The following PSME4 variants were observed in gnomAD, a reference collection of about 807,000 sequenced individuals.
The protein encoded by PSME4 is proteasome activator complex subunit 4.
PSME4 carries 89 observed loss-of-function variants against 253.9 expected under a neutral mutation model. That is an observed-to-expected ratio of 0.35 (90% CI 0.30 to 0.42). The LOEUF (loss-of-function observed/expected upper bound fraction) is 0.42, where lower values mean the gene tolerates loss of function less well. Ranked by LOEUF, PSME4 falls within the 10% of genes least tolerant of loss-of-function variation. The pLI, the probability that PSME4 is intolerant of heterozygous loss-of-function variation, is 1.00. For synonymous variants in PSME4, 851 were observed against 759.2 expected (o/e 1.12, Z -1.99); for missense variants, 2,014 against 2,195.2 (o/e 0.92, Z 1.65).
chr2:53,917,868 C>T (rs1404854733), intron 20 of PSME4, among the ~76,000 whole-genome samples: 2 of 152,174 alleles, frequency 1.3e-5, no homozygotes, highest in East Asian at 1.9e-4. Flanking sequence ...GGTACAACTG[C>T]GCTTATATCA....
chr2:53,936,765 C>A lies in PSME4; in HGVS notation c.758G>T (p.Gly253Val). ...VSVQNLPQWEGQLVNLFARLA... is the reference protein window; with the variant it reads ...VSVQNLPQWEVQLVNLFARLA... ...AGAAAGGGAAAAAGGGATACTTACC[C>A]CCTCCCATTGTGGGAGATTTTGCAC... Residue 253 changes from glycine to valine, a missense_variant and splice_region_variant, in exon 6 of 47, where the codon GGG (glycine) becomes GTG (valine). Gly to Val is a moderately radical substitution (Grantham distance 109, BLOSUM62 -3). Around this residue, in one of 4 missense-constraint regions of PSME4, gnomAD observed 615 missense variants for 594.4 expected, o/e 1.03. Transcript: ENST00000404125. The A allele has an allele frequency of 6.3e-7, 1 of 1,577,268 alleles. No individual in the cohort carries two copies. Among genetic ancestry groups the A allele is most frequent in the Non-Finnish European group, 8.6e-7 (1 of 1,161,440 alleles).
At chr2:53,912,696 C>A (rs1337817077) in intron 20 of PSME4, among the ~76,000 whole-genome samples, 1 of 152,080 alleles carries the variant, frequency 6.6e-6, no homozygotes, top group African/African-American at 2.4e-5. Flanking sequence ...AAATCCCTGG[C>A]CCCAAGCAAT....
chr2:53,884,999 A>G (rs1679570481), intron 41 of PSME4, among the ~76,000 whole-genome samples: 1 of 152,226 alleles, frequency 6.6e-6, no homozygotes, highest in South Asian at 2.1e-4. Flanking sequence ...TTAGATAATA[A>G]TAACTGTACT....
intron 1 of PSME4, among the ~76,000 whole-genome samples, chr2:53,961,812 T>A: frequency 6.6e-6 from 1 of 152,210 alleles, no homozygotes; most frequent in Middle Eastern, 3.2e-3. Flanking sequence ...TCGCCAGCAG[T>A]TTTGCCAGGA....
In PSME4 at chr2:53,932,712, T is replaced by C; in HGVS notation, c.1006A>G (p.Ser336Gly). 1 of 1,614,080 alleles carries C rather than the reference T, an allele frequency of 6.2e-7. No individual in the cohort carries two copies. The highest frequency in any genetic ancestry group is 1.1e-5 in the South Asian group (1 of 91,086). ...VQKHLAGLFN[S>G]ITSFYHPSNN... Reference sequence around the variant, plus strand: ...GAAGGATGGTAAAAAGATGTGATGCTGTTAAACAAACCAGCTAAGTGTTTT... The same window carrying C: ...GAAGGATGGTAAAAAGATGTGATGCCGTTAAACAAACCAGCTAAGTGTTTT... The change falls in exon 9 of 47, where the codon AGC (serine) becomes GGC (glycine). Residue 336 changes from serine (S) to glycine (G), a missense_variant. Physicochemically the swap from Ser to Gly is moderately conservative, Grantham distance 56. Around this residue, in one of 4 missense-constraint regions of PSME4, gnomAD observed 615 missense variants for 594.4 expected, o/e 1.03. Coordinates refer to ENST00000404125, the MANE Select transcript of PSME4 (RefSeq NM_014614.3).
intron 1 of PSME4, among the ~76,000 whole-genome samples, chr2:53,953,296 T>C (rs961964135): frequency 2.0e-5 from 3 of 151,880 alleles, no homozygotes. Flanking sequence ...AGCCCAGAAA[T>C]ACATATATTT....
intron 6 of PSME4, 55 bp downstream of exon 6, chr2:53,936,709 G>C: frequency 7.9e-7 from 1 of 1,257,892 alleles, no homozygotes; most frequent in Admixed American, 2.7e-5. Flanking sequence ...AGTATGGGGG[G>C]GAAAAAAGAA....
At chr2:53,936,676 A>G (rs2104464318) in intron 6 of PSME4, 88 bp downstream of exon 6, 1 of 904,904 alleles carries the variant, frequency 1.1e-6, no homozygotes, top group East Asian at 2.8e-5. Context: ...ATGATCTATT[A>G]ATATTTATCT....
chr2:53,893,542 T>C, intron 35 of PSME4, 132 bp downstream of exon 35: 3 of 1,504,686 alleles, frequency 2.0e-6, no homozygotes, highest in Non-Finnish European at 2.7e-6. Flanking sequence ...TCTGTACATG[T>C]TCAGTGTAAA....
rs373247402 is a variant in PSME4, at chr2:53,954,130, T to C, written c.243-4847A>G. On this transcript the variant is annotated intron_variant, in intron 1 of 46. Transcript: ENST00000404125. ...AGATCACGAGGTCAGGAGTTCGAGA[T>C]CAGCCTGACCAACACAGTGAAACCC... is the stretch of plus-strand genomic sequence containing the variant. 1.1e-4 allele frequency among the ~76,000 whole-genome samples: 17 copies of C among 151,190 alleles called. No individual in the cohort carries two copies. In the East Asian group the frequency reaches 3.4e-3, roughly 30 times the overall value.
intron 3 of PSME4, among the ~76,000 whole-genome samples, chr2:53,941,665 A>G (rs1292591374): frequency 6.6e-6 from 1 of 152,118 alleles, no homozygotes; most frequent in African/African-American, 2.4e-5. Context: ...ATTAACAGCT[A>G]AGGTTTAAAG....
chr2:53,868,303 T>C (rs1268158118), intron 44 of PSME4, among the ~76,000 whole-genome samples: 1 of 150,724 alleles, frequency 6.6e-6, no homozygotes, highest in Non-Finnish European at 1.5e-5. Flanking sequence ...ATACAAAAAA[T>C]TAGCCAGGTG....
chr2:53,920,987 G>A lies in PSME4; in HGVS notation c.2164C>T (p.His722Tyr). Reference protein sequence around the residue: ...QGYTLSCNLLHHLLRSTTLIY... With the variant: ...QGYTLSCNLLYHLLRSTTLIY... ...AGTGTGGTAGAACGGAGAAGATGAT[G>A]CAAAAGGTTACAAGACAGAGTGTAA... The change falls in exon 18 of 47, where the codon CAT becomes TAT. Residue 722 changes from histidine (H) to tyrosine (Y), a missense_variant. Physicochemically the swap from His to Tyr is moderately conservative, Grantham distance 83. Transcript: ENST00000404125. 2 of 1,614,002 alleles carry A rather than the reference G, an allele frequency of 1.2e-6. No homozygotes were observed. Among genetic ancestry groups the A allele is most frequent in the Non-Finnish European group, 1.7e-6 (2 of 1,179,900 alleles).
intron 31 of PSME4, among the ~76,000 whole-genome samples, chr2:53,897,242 T>C (rs1680185644): frequency 1.4e-5 from 2 of 146,580 alleles, no homozygotes; most frequent in African/African-American, 5.0e-5. Context: ...CAATCTCAGC[T>C]CACTGCAACC....
chr2:53,961,466 G>A (rs371581306), intron 1 of PSME4, among the ~76,000 whole-genome samples: 4 of 152,172 alleles, frequency 2.6e-5, no homozygotes, highest in South Asian at 4.2e-4. Context: ...AGGAGTTTGC[G>A]ACCAGCCGTG....
intron 1 of PSME4, among the ~76,000 whole-genome samples, chr2:53,952,062 G>A (rs991850366): frequency 3.3e-5 from 5 of 150,852 alleles, no homozygotes; most frequent in African/African-American, 1.2e-4. Context: ...CCTAAAAACT[G>A]GAACACATTT....
chr2:53,920,157 G>T (rs1354713435), intron 19 of PSME4, 36 bp downstream of exon 19: 1 of 1,539,054 alleles, frequency 6.5e-7, no homozygotes, highest in South Asian at 1.3e-5. Context: ...TCTTTAGTCT[G>T]CAACTGAATA....
chr2:53,891,657 C>T (rs1012225092), intron 36 of PSME4, among the ~76,000 whole-genome samples: 11 of 151,708 alleles, frequency 7.3e-5, no homozygotes, highest in African/African-American at 2.2e-4. Flanking sequence ...GCCAGGAGTT[C>T]GAGACCAGCC....
rs187548988 is a variant in PSME4, at chr2:53,908,172, C to T, written c.2784+148G>A. The T allele has an allele frequency of 5.1e-4, 300 of 593,902 alleles. 5 individuals carry two copies. In the East Asian group the frequency reaches 8.7e-3, roughly 17 times the overall value. 36.8% of individuals were successfully genotyped at this position (593,902 alleles called of 1,614,324 possible). On this transcript the variant is annotated intron_variant, in intron 24 of 46. Coordinates refer to ENST00000404125, the MANE Select transcript of PSME4 (RefSeq NM_014614.3). Reference sequence around the variant, plus strand: ...TTTGCTAGGATCCATTTGATTTCTACCATGATGTTTTTAACTTTTACATAC... The same window carrying T: ...TTTGCTAGGATCCATTTGATTTCTATCATGATGTTTTTAACTTTTACATAC...
Sources: gnomAD v4.1 joint callset for allele counts (sites outside exome capture counted in the v4.1 genomes callset) on GRCh38, gnomAD v4.1.1 for gene constraint, gnomAD v4.1.1 regional missense constraint, MANE v1.5 for transcripts, NCBI Gene and HGNC (gene_info 2026-07-23, HGNC 2026-07-21) for gene names.